NAALADL2: variants seen among roughly 807,000 people sequenced by gnomAD.
NAALADL2 encodes the protein inactive N-acetylated-alpha-linked acidic dipeptidase-like protein 2.
NAALADL2 carries 76 observed loss-of-function variants against 87.2 expected under a neutral mutation model. The ratio of observed to expected loss-of-function variants is 0.87; its 90% CI spans 0.72 to 1.05. NAALADL2 has a LOEUF of 1.05. Ranked by LOEUF, NAALADL2 falls within the 50% of genes least tolerant of loss-of-function variation. The pLI, the probability that NAALADL2 is intolerant of heterozygous loss-of-function variation, is 0.00. For synonymous variants in NAALADL2, 354 were observed against 331.0 expected (o/e 1.07, Z -0.75); for missense variants, 1,089 against 945.8 (o/e 1.15, Z -1.99).
At chr3:175,599,181 G>A (rs1242887854) in intron 10 of NAALADL2, among the ~76,000 whole-genome samples, 1 of 152,064 alleles carries the variant, frequency 6.6e-6, no homozygotes, top group Non-Finnish European at 1.5e-5. Flanking sequence ...TATAGGTACT[G>A]TAGGATAACA....
At chr3:175,251,030 G>A (rs1273715008) in intron 3 of NAALADL2, among the ~76,000 whole-genome samples, 1 of 152,114 alleles carries the variant, frequency 6.6e-6, no homozygotes, top group Non-Finnish European at 1.5e-5. Flanking sequence ...GCCAGATGAG[G>A]GAAACGAGAT....
chr3:175,009,506 T>C (rs892267919), intron 1 of NAALADL2, among the ~76,000 whole-genome samples: 1 of 152,206 alleles, frequency 6.6e-6, no homozygotes, highest in Non-Finnish European at 1.5e-5. Flanking sequence ...TGACAAATTA[T>C]GTATTATTAC....
chr3:175,301,591 G>A (rs1415028595), intron 4 of NAALADL2, among the ~76,000 whole-genome samples: 4 of 152,124 alleles, frequency 2.6e-5, no homozygotes, highest in African/African-American at 9.7e-5. Flanking sequence ...GCCCATTGAT[G>A]TAATGAGAAT....
intron 5 of NAALADL2, among the ~76,000 whole-genome samples, chr3:175,386,248 C>T (rs2149002210): frequency 6.6e-6 from 1 of 151,512 alleles, no homozygotes; most frequent in African/African-American, 2.4e-5. Context: ...TTCTGTAGGC[C>T]CCCCTCCCAC....
At chr3:175,146,321 T>C (rs1730748268) in intron 2 of NAALADL2, among the ~76,000 whole-genome samples, 1 of 151,910 alleles carries the variant, frequency 6.6e-6, no homozygotes, top group African/African-American at 2.4e-5. Flanking sequence ...CAATGGAAAA[T>C]GATTTGAAAT....
At chr3:175,125,761 A>G (rs1418386007) in intron 2 of NAALADL2, among the ~76,000 whole-genome samples, 1 of 152,098 alleles carries the variant, frequency 6.6e-6, no homozygotes, top group African/African-American at 2.4e-5. Context: ...TTAAGTGCAT[A>G]GTTCAGCAGA....
At chr3:175,267,376 G>A (rs1416712801) in intron 4 of NAALADL2, among the ~76,000 whole-genome samples, 1 of 151,890 alleles carries the variant, frequency 6.6e-6, no homozygotes, top group Non-Finnish European at 1.5e-5. Flanking sequence ...ATGCTTAGTT[G>A]TACCCAATTA....
chr3:175,660,175 T>G (rs1732056515), intron 11 of NAALADL2, among the ~76,000 whole-genome samples: 2 of 152,098 alleles, frequency 1.3e-5, no homozygotes, highest in African/African-American at 4.8e-5. Context: ...CTCAATCACT[T>G]CCTAAAGTCC....
In NAALADL2 at chr3:175,497,442, C is replaced by G. The variant is rs1042806809; in HGVS notation, c.1653+25684C>G. Among the ~76,000 whole-genome samples, 4 of 152,186 alleles carry G rather than the reference C, an allele frequency of 2.6e-5. No individual in the cohort carries two copies. The South Asian group carries it at 8.3e-4, about 32-fold the overall frequency. On this transcript the variant is annotated intron_variant, in intron 9 of 13. Transcript: ENST00000454872. Reference sequence around the variant, plus strand: ...TAATACTTACTAAGTGTGAAAACCTCTACCACAATTTTTTCTTCAGTTGTA... The same window carrying G: ...TAATACTTACTAAGTGTGAAAACCTGTACCACAATTTTTTCTTCAGTTGTA...
At chr3:175,004,779 G>A (rs985065081) in intron 1 of NAALADL2, among the ~76,000 whole-genome samples, 33 of 151,890 alleles carry the variant, frequency 2.2e-4, no homozygotes, top group African/African-American at 6.5e-4. Context: ...TTCAGGTTAT[G>A]TGTATAAGGT....
At chr3:174,690,177 T>C (rs1365853668) in intron 2 of NAALADL2, among the ~76,000 whole-genome samples, 1 of 152,224 alleles carries the variant, frequency 6.6e-6, no homozygotes, top group Non-Finnish European at 1.5e-5. Context: ...GATCAATGTA[T>C]CATTTGTTTT....
intron 1 of NAALADL2, among the ~76,000 whole-genome samples, chr3:175,013,301 A>ATATTTTTT (rs1553916905): frequency 1.2e-3 from 84 of 72,038 alleles, no homozygotes; most frequent in African/African-American, 4.3e-3. Flanking sequence ...ATATATATAT[A>ATATTTTTT]TTTTTTTTTT....
chr3:174,936,869 G>C (rs1258276139), intron 1 of NAALADL2, among the ~76,000 whole-genome samples: 1 of 152,136 alleles, frequency 6.6e-6, no homozygotes, highest in Admixed American at 6.6e-5. Flanking sequence ...GGGACATAAG[G>C]AAACTTGCGA....
chr3:174,876,709 T>G (rs889471311), intron 1 of NAALADL2, among the ~76,000 whole-genome samples: 2 of 152,158 alleles, frequency 1.3e-5, no homozygotes, highest in Non-Finnish European at 2.9e-5. Context: ...TTGTTAATGA[T>G]TTATTATCCT....
At chr3:175,327,148 CTTTTTT>C (rs35198621) in intron 5 of NAALADL2, among the ~76,000 whole-genome samples, 7 of 99,494 alleles carry the variant, frequency 7.0e-5, no homozygotes, top group Admixed American at 1.2e-4. Context: ...GTCTACATTT[CTTTTTT>C]TTTTTTTTTT....
chr3:175,218,836 G>T (rs928186327), intron 2 of NAALADL2, among the ~76,000 whole-genome samples: 2 of 151,044 alleles, frequency 1.3e-5, no homozygotes, highest in Non-Finnish European at 2.9e-5. Context: ...ACGGAGTTTT[G>T]CTCTTTTTGC....
intron 11 of NAALADL2, among the ~76,000 whole-genome samples, chr3:175,720,868 C>A (rs1742145508): frequency 6.6e-6 from 1 of 152,154 alleles, no homozygotes; most frequent in Non-Finnish European, 1.5e-5. Context: ...TAGAAAAAGG[C>A]TGAGACAAGT....
At chr3:174,508,326 G>A (rs1350139992) in intron 1 of NAALADL2, among the ~76,000 whole-genome samples, 3 of 151,988 alleles carry the variant, frequency 2.0e-5, no homozygotes, top group Admixed American at 2.0e-4. Flanking sequence ...TGTTAGCCAG[G>A]ATGGTCTCGA....
At chr3:174,805,540 G>T (rs1719368468) in intron 3 of NAALADL2, among the ~76,000 whole-genome samples, 4 of 152,052 alleles carry the variant, frequency 2.6e-5, no homozygotes, top group Admixed American at 2.6e-4. Context: ...TCTTGTTTCA[G>T]TAGTAAGATG....
Sources: gnomAD v4.1 joint callset for allele counts (sites outside exome capture counted in the v4.1 genomes callset) on GRCh38, gnomAD v4.1.1 for gene constraint, MANE v1.5 for transcripts, NCBI Gene and HGNC (gene_info 2026-07-23, HGNC 2026-07-21) for gene names.